TBXAS1: variants seen among roughly 807,000 people sequenced by gnomAD.
TBXAS1 encodes the protein thromboxane-A synthase.
A neutral mutation model predicts 60.7 loss-of-function variants in TBXAS1; 48 were observed. The ratio of observed to expected loss-of-function variants is 0.79; its 90% CI spans 0.63 to 1.01. The LOEUF (loss-of-function observed/expected upper bound fraction) is 1.01, where lower values mean the gene tolerates loss of function less well. Ranked by LOEUF, TBXAS1 falls within the 50% of genes least tolerant of loss-of-function variation. The pLI, the probability that TBXAS1 is intolerant of heterozygous loss-of-function variation, is 0.00. For synonymous variants in TBXAS1, 287 were observed against 269.7 expected (o/e 1.06, Z -0.63); for missense variants, 685 against 686.3 (o/e 1.00, Z 0.02).
chr7:139,939,485 CT>C (rs1808098777), intron 5 of TBXAS1, among the ~76,000 whole-genome samples: 1 of 150,164 alleles, frequency 6.7e-6, no homozygotes, highest in African/African-American at 2.5e-5. Context: ...TTTTTTTCTA[CT>C]CCATATAGTT....
intron 9 of TBXAS1, among the ~76,000 whole-genome samples, chr7:139,986,562 A>C (rs1812472449): frequency 6.7e-6 from 1 of 149,814 alleles, no homozygotes; most frequent in African/African-American, 2.5e-5. Flanking sequence ...TATCATTCTT[A>C]TGCCTTTGCA....
intron 10 of TBXAS1, among the ~76,000 whole-genome samples, chr7:140,010,025 G>A (rs1168551663): frequency 2.3e-4 from 8 of 34,534 alleles, no homozygotes; most frequent in African/African-American, 7.7e-4. Context: ...CTCCACACCC[G>A]CCCCACACCT....
At chr7:139,957,894 A>C in intron 8 of TBXAS1, 130 bp downstream of exon 8, 1 of 1,339,068 alleles carries the variant, frequency 7.5e-7, no homozygotes, top group Non-Finnish European at 1.0e-6. Flanking sequence ...CCCACCACTT[A>C]CAGCTTCCAG....
At chr7:139,831,348 G>A (rs1353372209) in intron 1 of TBXAS1, among the ~76,000 whole-genome samples, 3 of 152,168 alleles carry the variant, frequency 2.0e-5, no homozygotes, top group Non-Finnish European at 4.4e-5. Flanking sequence ...CAACCCTTCT[G>A]TTCCGGGTGA....
chr7:139,834,681 A>G (rs1300256034), intron 1 of TBXAS1, among the ~76,000 whole-genome samples: 3 of 152,208 alleles, frequency 2.0e-5, no homozygotes, highest in Admixed American at 1.3e-4. Context: ...ATTCAAGGCT[A>G]CTATGAACAC....
intron 4 of TBXAS1, among the ~76,000 whole-genome samples, chr7:139,807,605 G>A (rs1797911790): frequency 6.6e-6 from 1 of 151,946 alleles, no homozygotes. Context: ...GGATGGTCTC[G>A]ATCTCTTGAC....
chr7:139,792,774 G>T (rs1585511722), intron 4 of TBXAS1, among the ~76,000 whole-genome samples: 1 of 152,212 alleles, frequency 6.6e-6, no homozygotes, highest in African/African-American at 2.4e-5. Flanking sequence ...ATGAATGAGG[G>T]AGGAGAGAAG....
chr7:139,923,796 C>T (rs1294121829), intron 4 of TBXAS1, among the ~76,000 whole-genome samples: 1 of 152,136 alleles, frequency 6.6e-6, no homozygotes, highest in African/African-American at 2.4e-5. Context: ...GACACTCTTT[C>T]ACTACTCTTC....
chr7:139,843,543 A>T (rs1320840651), intron 1 of TBXAS1, among the ~76,000 whole-genome samples: 1 of 152,020 alleles, frequency 6.6e-6, no homozygotes, highest in Non-Finnish European at 1.5e-5. Flanking sequence ...GGGTTTCATC[A>T]TGTTGGCCAG....
chr7:139,974,073 AT>A (rs1811400045), intron 9 of TBXAS1, among the ~76,000 whole-genome samples: 1 of 152,220 alleles, frequency 6.6e-6, no homozygotes, highest in Non-Finnish European at 1.5e-5. Flanking sequence ...AGACATTTTA[AT>A]TAGTAATTTA....
intron 3 of TBXAS1, among the ~76,000 whole-genome samples, chr7:139,909,029 A>AC (rs1805314670): frequency 6.6e-6 from 1 of 152,144 alleles, no homozygotes; most frequent in Non-Finnish European, 1.5e-5. Context: ...GATAAAAAAA[A>AC]CCTGCTGTCC....
At chr7:139,843,456 C>G (rs186302518) in intron 1 of TBXAS1, among the ~76,000 whole-genome samples, 307 of 152,234 alleles carry the variant, frequency 2.0e-3, no homozygotes, top group African/African-American at 7.0e-3. Context: ...GATTCTCCTG[C>G]CTCAGCCTCC....
intron 3 of TBXAS1, among the ~76,000 whole-genome samples, chr7:139,894,208 A>G (rs796854111): frequency 4.6e-5 from 7 of 152,252 alleles, no homozygotes; most frequent in African/African-American, 1.7e-4. Flanking sequence ...CCACCCACGC[A>G]CCACACCATT....
At chr7:139,894,706 A>G (rs896248423) in intron 3 of TBXAS1, among the ~76,000 whole-genome samples, 2 of 151,220 alleles carry the variant, frequency 1.3e-5, no homozygotes, top group Non-Finnish European at 1.5e-5. Context: ...CCTTTCCCAC[A>G]CTCTTTGGGG....
intron 4 of TBXAS1, among the ~76,000 whole-genome samples, chr7:139,803,906 C>T (rs1275351018): frequency 1.3e-5 from 2 of 152,232 alleles, no homozygotes; most frequent in Admixed American, 1.3e-4. Context: ...AAGTTTGCTG[C>T]AGGAGCAGAG....
intron 9 of TBXAS1, among the ~76,000 whole-genome samples, chr7:139,985,420 G>A (rs1812377418): frequency 6.6e-6 from 1 of 152,186 alleles, no homozygotes; most frequent in African/African-American, 2.4e-5. Context: ...CCGCTGCCCT[G>A]TTATCAGCTG....
chr7:139,918,118 T>G (rs1326946409), intron 4 of TBXAS1, among the ~76,000 whole-genome samples: 1 of 152,162 alleles, frequency 6.6e-6, no homozygotes, highest in East Asian at 1.9e-4. Context: ...CTTCCCATTT[T>G]CCCTCTTCTA....
intron 5 of TBXAS1, among the ~76,000 whole-genome samples, chr7:139,942,502 A>G (rs899381937): frequency 6.6e-6 from 1 of 152,208 alleles, no homozygotes; most frequent in Non-Finnish European, 1.5e-5. Context: ...TTCAAACCTC[A>G]TTAACCATGG....
chr7:139,837,189 A>C (rs1486119281), intron 1 of TBXAS1, among the ~76,000 whole-genome samples: 2 of 152,228 alleles, frequency 1.3e-5, no homozygotes, highest in Non-Finnish European at 2.9e-5. Context: ...TGATCAGGGA[A>C]CACTTCCACC....
Sources: gnomAD v4.1 joint callset for allele counts (sites outside exome capture counted in the v4.1 genomes callset) on GRCh38, gnomAD v4.1.1 for gene constraint, MANE v1.5 for transcripts, NCBI Gene and HGNC (gene_info 2026-07-23, HGNC 2026-07-21) for gene names.